TDRD9: variants seen among roughly 807,000 people sequenced by gnomAD.
TDRD9 encodes tudor domain containing 9, also known as ATP-dependent RNA helicase TDRD9.
TDRD9 carries 124 observed loss-of-function variants against 172.6 expected under a neutral mutation model. The ratio of observed to expected loss-of-function variants is 0.72; its 90% CI spans 0.62 to 0.83. The LOEUF (loss-of-function observed/expected upper bound fraction) is 0.83, where lower values mean the gene tolerates loss of function less well. TDRD9 is among the 40% of genes least tolerant of loss of function. The probability of loss-of-function intolerance (pLI) is 0.00; values close to 1 mark genes in which losing one functional copy is unlikely to be tolerated. For synonymous variants in TDRD9, 619 were observed against 617.1 expected (o/e 1.00, Z -0.05); for missense variants, 1,479 against 1,714.1 (o/e 0.86, Z 2.42).
chr14:103,983,425 T>C (rs2033556754), intron 7 of TDRD9, among the ~76,000 whole-genome samples: 1 of 152,146 alleles, frequency 6.6e-6, no homozygotes, highest in African/African-American at 2.4e-5. Context: ...AAGTAAAAAT[T>C]GGAAAAAAAA....
At chr14:104,039,223 A>C (rs1022669147) in intron 32 of TDRD9, among the ~76,000 whole-genome samples, 2 of 152,202 alleles carry the variant, frequency 1.3e-5, no homozygotes, top group African/African-American at 4.8e-5. Context: ...CATCACGAGA[A>C]CAGCATGAGG....
chr14:103,994,306 CCCT>C (rs2033977957), intron 9 of TDRD9, 23 bp from the exon 10 acceptor site: 3 of 1,603,586 alleles, frequency 1.9e-6, no homozygotes, highest in African/African-American at 1.3e-5. Context: ...ATGTTTATTT[CCCT>C]CCTCCACTTT....
At chr14:103,934,939 A>T (rs2030655690) in intron 1 of TDRD9, among the ~76,000 whole-genome samples, 1 of 152,244 alleles carries the variant, frequency 6.6e-6, no homozygotes, top group Non-Finnish European at 1.5e-5. Flanking sequence ...GATGAGACTA[A>T]CATTGCAAAT....
rs1221009811 is a variant in TDRD9, at chr14:103,947,616, C to T, written c.216-8048C>T. Among the ~76,000 whole-genome samples, 8 of 152,142 alleles carry T rather than the reference C, an allele frequency of 5.3e-5. 1 individual carries two copies. Among genetic ancestry groups the T allele is most frequent in the South Asian group, 2.1e-4 (1 of 4,830 alleles). On this transcript the variant is annotated intron_variant, in intron 1 of 35. Transcript: ENST00000409874. Reference sequence around the variant, plus strand: ...TGCTGGGATTACAGGCATGAGCCACCGTGCCTGGCCAGGACAGTCTTTTCA... The same window carrying T: ...TGCTGGGATTACAGGCATGAGCCACTGTGCCTGGCCAGGACAGTCTTTTCA...
At position 104,019,747 on chromosome 14, in the gene TDRD9, G is replaced by A. The variant is rs369895139; in HGVS notation, c.2432+1555G>A. 1.1e-4 allele frequency among the ~76,000 whole-genome samples: 16 copies of A among 152,290 alleles called. No homozygotes were observed. In the East Asian group the frequency reaches 2.5e-3, roughly 24 times the overall value. On this transcript the variant is annotated intron_variant, in intron 23 of 35. Coordinates refer to ENST00000409874, the MANE Select transcript of TDRD9 (RefSeq NM_153046.3). ...CACAGGTGGTACCTGGGCATATCAT[G>A]TTCTCCCATAAGAAGCTTTCAACTT...
intron 13 of TDRD9, 101 bp downstream of exon 13, chr14:103,998,829 G>C (rs1393657356): frequency 1.6e-6 from 1 of 643,172 alleles, no homozygotes; most frequent in African/African-American, 1.9e-5. Context: ...GTCTTGCTCT[G>C]TCGCCCAGGC....
At chr14:104,010,569 CTTTT>C (rs147141939) in intron 20 of TDRD9, among the ~76,000 whole-genome samples, 2 of 134,842 alleles carry the variant, frequency 1.5e-5, no homozygotes, top group Non-Finnish European at 3.2e-5. Flanking sequence ...TGTTTGTTTC[CTTTT>C]TTTTTTTTTT....
intron 1 of TDRD9, chr14:103,942,088 T>C (rs1030678210): frequency 2.7e-5 from 5 of 184,806 alleles, no homozygotes; most frequent in African/African-American, 1.2e-4. Context: ...GGTTTAAAGC[T>C]TACCTGTTAA....
At chr14:103,957,702 C>T (rs1365694150) in intron 2 of TDRD9, among the ~76,000 whole-genome samples, 2 of 152,102 alleles carry the variant, frequency 1.3e-5, no homozygotes, top group African/African-American at 4.8e-5. Context: ...GTTTGGAAAG[C>T]ACATTAGTTA....
intron 1 of TDRD9, among the ~76,000 whole-genome samples, chr14:103,937,100 T>C (rs1405003317): frequency 3.9e-5 from 6 of 152,154 alleles, no homozygotes; most frequent in Admixed American, 2.6e-4. Context: ...TAAAAACAAT[T>C]GTTGAATGAA....
chr14:104,016,188 C>T, intron 22 of TDRD9, 100 bp downstream of exon 22: 1 of 833,180 alleles, frequency 1.2e-6, no homozygotes, highest in East Asian at 2.7e-5. Flanking sequence ...GTGAATTTTC[C>T]CCTGGCGTGA....
At chr14:104,015,458 G>A (rs1195976246) in intron 21 of TDRD9, among the ~76,000 whole-genome samples, 1 of 152,210 alleles carries the variant, frequency 6.6e-6, no homozygotes, top group Non-Finnish European at 1.5e-5. Context: ...AAGGCTGGGG[G>A]AGTCTTTGGT....
At chr14:104,013,549 C>A (rs1351930430) in intron 20 of TDRD9, 1 of 152,092 alleles carries the variant, frequency 6.6e-6, no homozygotes, top group Non-Finnish European at 1.5e-5. Flanking sequence ...GATCAGGGAG[C>A]ATATATGATT....
rs1429740098 is a variant in TDRD9, at chr14:104,018,122, T to C, written c.2362T>C (p.Tyr788His). Reference sequence around the variant, plus strand: ...ACACATTCCTCCCTATGGATTTCTTTACTATAAACAACTACAGTCTCTCTT... The same window carrying C: ...ACACATTCCTCCCTATGGATTTCTTCACTATAAACAACTACAGTCTCTCTT... ...LKHIPPYGFLYYKQLQSLFRQ... is the reference protein window; with the variant it reads ...LKHIPPYGFLHYKQLQSLFRQ... The change falls in exon 23 of 36, where the codon TAC becomes CAC. Residue 788 changes from tyrosine (Y) to histidine (H), a missense_variant. By Grantham distance (83) the Tyr-to-His change is moderately conservative (BLOSUM62 2). This residue lies in a region of TDRD9 where 1,413 missense variants were observed against 1,649.1 expected (regional missense o/e 0.86). Transcript: ENST00000409874. The C allele has an allele frequency of 6.2e-7, 1 of 1,607,204 alleles. No individual in the cohort carries two copies. The highest frequency in any genetic ancestry group is 8.5e-7 in the Non-Finnish European group (1 of 1,175,158).
chr14:103,936,401 CCA>C (rs2030766744), intron 1 of TDRD9, among the ~76,000 whole-genome samples: 2 of 152,136 alleles, frequency 1.3e-5, no homozygotes, highest in African/African-American at 4.8e-5. Flanking sequence ...CTAGGAGACC[CCA>C]GTTATTGAAT....
rs79268415 is a variant in TDRD9, at chr14:103,929,029, C to T, written c.215+305C>T. On this transcript the variant is annotated intron_variant, in intron 1 of 35. Transcript: ENST00000409874. Reference sequence around the variant, plus strand: ...GCGGAGGGCAGAGGTCCCATAGGCCCCTTCCCTCCCAGAGTTTCCCCTGTG... The same window carrying T: ...GCGGAGGGCAGAGGTCCCATAGGCCTCTTCCCTCCCAGAGTTTCCCCTGTG... The T allele has an allele frequency of 7.4e-3, 1,234 of 167,124 alleles. 18 individuals are homozygous for T. Among genetic ancestry groups the T allele is most frequent in the African/African-American group, 0.028 (1,178 of 41,656 alleles). The allele number at this position is 167,124 out of a possible 1,614,324, so 10.4% of individuals were successfully genotyped here. A position where few individuals can be genotyped will look rare whatever the true frequency, so the allele number is the denominator to read the frequency against.
rs567158566 is a variant in TDRD9, at chr14:104,044,631, C to G, written c.3974+2444C>G. On this transcript the variant is annotated intron_variant, in intron 34 of 35. Coordinates refer to ENST00000409874, the MANE Select transcript of TDRD9 (RefSeq NM_153046.3). ...GGTTTATCCATACTGTATCATGTTC[C>G]TTTTTACTAAATAATATTTCATTGT... is the stretch of plus-strand genomic sequence containing the variant. Among the ~76,000 whole-genome samples the G allele has an allele frequency of 1.1e-4, 17 of 152,262 alleles. 2 individuals carry two copies. The highest frequency in any genetic ancestry group is 4.1e-4 in the African/African-American group (17 of 41,540).
chr14:104,034,870 C>G, intron 31 of TDRD9, 90 bp from the exon 32 acceptor site: 1 of 922,292 alleles, frequency 1.1e-6, no homozygotes, highest in Non-Finnish European at 1.7e-6. Flanking sequence ...GGAGGGGATA[C>G]CTGCAGATGA....
intron 34 of TDRD9, among the ~76,000 whole-genome samples, chr14:104,045,966 C>CT (rs1483714702): frequency 2.0e-5 from 3 of 151,990 alleles, no homozygotes; most frequent in African/African-American, 7.2e-5. Context: ...ACTACTTTAT[C>CT]TTTTTTTTGA....
Sources: gnomAD v4.1 joint callset for allele counts (sites outside exome capture counted in the v4.1 genomes callset) on GRCh38, gnomAD v4.1.1 for gene constraint, gnomAD v4.1.1 regional missense constraint, MANE v1.5 for transcripts, NCBI Gene and HGNC (gene_info 2026-07-23, HGNC 2026-07-21) for gene names.